The following GALNT13 variants were observed in gnomAD, a reference collection of about 807,000 sequenced individuals.
GALNT13 encodes the protein UDP-GalNAc:polypeptide N-acetylgalactosaminyltransferase 13.
A neutral mutation model predicts 64.2 loss-of-function variants in GALNT13; 28 were observed. The observed-to-expected ratio is 0.44, with a 90% CI of 0.32 to 0.60. GALNT13 has a LOEUF of 0.60. Among genes scored for constraint, GALNT13 ranks in the 20% least tolerant of loss-of-function variants. GALNT13 has a pLI of 0.05. For synonymous variants in GALNT13, 214 were observed against 224.6 expected (o/e 0.95, Z 0.42); for missense variants, 577 against 669.8 (o/e 0.86, Z 1.53).
chr2:154,255,829 G>A lies in GALNT13; in HGVS notation c.858-3192G>A, dbSNP rs556074862. Among the ~76,000 whole-genome samples the A allele has an allele frequency of 2.0e-5, 3 of 152,024 alleles. No homozygotes were observed. In the South Asian group the frequency reaches 6.2e-4, roughly 32 times the overall value. On this transcript the variant is annotated intron_variant, in intron 7 of 12. Transcript: ENST00000392825. ...CACGTTGAGAGGCCAAGGTGGGCAG[G>A]TCATTTGAGCCCAGGAGTTCAAGAT... is the stretch of plus-strand genomic sequence containing the variant.
the GALNT13 span, among the ~76,000 whole-genome samples, chr2:153,305,520 C>A: frequency 6.6e-6 from 1 of 152,114 alleles, no homozygotes; most frequent in Admixed American, 6.5e-5. Context: ...TAAGAAAGAT[C>A]AAATGAGATA....
chr2:154,182,219 G>T (rs1050487634), intron 4 of GALNT13, among the ~76,000 whole-genome samples: 12 of 152,102 alleles, frequency 7.9e-5, no homozygotes, highest in African/African-American at 2.9e-4. Context: ...CAAGCCCAGG[G>T]TGTCTGACTC....
At chr2:153,640,410 C>G in the GALNT13 span, among the ~76,000 whole-genome samples, 1 of 152,038 alleles carries the variant, frequency 6.6e-6, no homozygotes. Flanking sequence ...CTCAAATGAT[C>G]ACTACATTTG....
the GALNT13 span, among the ~76,000 whole-genome samples, chr2:153,455,421 C>T: frequency 1.3e-5 from 2 of 152,172 alleles, no homozygotes; most frequent in Non-Finnish European, 2.9e-5. Context: ...CTGAAGGGAG[C>T]ACATGAGCGA....
the GALNT13 span, among the ~76,000 whole-genome samples, chr2:153,126,346 A>ATATG: frequency 9.9e-6 from 1 of 100,762 alleles, no homozygotes; most frequent in Non-Finnish European, 2.0e-5. Context: ...ATATATATAT[A>ATATG]TGATATTAAG....
At chr2:154,232,826 A>G (rs1169878434) in intron 4 of GALNT13, among the ~76,000 whole-genome samples, 1 of 151,404 alleles carries the variant, frequency 6.6e-6, no homozygotes, top group African/African-American at 2.4e-5. Flanking sequence ...TGAGCTCAGG[A>G]GTTTGAGACA....
chr2:154,118,424 T>G (rs1212456475), intron 3 of GALNT13, among the ~76,000 whole-genome samples: 1 of 151,974 alleles, frequency 6.6e-6, no homozygotes, highest in African/African-American at 2.4e-5. Flanking sequence ...TATAGTGAAG[T>G]CAATCTCTTT....
chr2:154,313,983 A>C (rs763686629), intron 9 of GALNT13, among the ~76,000 whole-genome samples: 10 of 152,098 alleles, frequency 6.6e-5, no homozygotes, highest in Admixed American at 1.3e-4. Flanking sequence ...AAACCTGCTG[A>C]ATTAGTCAAG....
At chr2:153,184,494 C>A in the GALNT13 span, among the ~76,000 whole-genome samples, 1 of 152,168 alleles carries the variant, frequency 6.6e-6, no homozygotes, top group Non-Finnish European at 1.5e-5. Context: ...CTGGCCAGAA[C>A]ATCCAATATT....
chr2:154,352,580 C>A (rs1696473534), intron 9 of GALNT13, among the ~76,000 whole-genome samples: 1 of 152,146 alleles, frequency 6.6e-6, no homozygotes, highest in African/African-American at 2.4e-5. Context: ...TTCTCAAAGT[C>A]ACCCACAGAA....
intron 4 of GALNT13, among the ~76,000 whole-genome samples, chr2:154,167,100 C>G (rs1047088720): frequency 6.6e-6 from 1 of 151,250 alleles, no homozygotes; most frequent in East Asian, 1.9e-4. Flanking sequence ...AAGTTGTGCA[C>G]GTGTATTGTA....
At chr2:153,392,782 C>T in the GALNT13 span, among the ~76,000 whole-genome samples, 1 of 151,906 alleles carries the variant, frequency 6.6e-6, no homozygotes, top group Non-Finnish European at 1.5e-5. Flanking sequence ...ATTGATGTCC[C>T]CCCAAAGTTT....
At chr2:153,769,747 G>A in the GALNT13 span, among the ~76,000 whole-genome samples, 1 of 151,994 alleles carries the variant, frequency 6.6e-6, no homozygotes, top group Non-Finnish European at 1.5e-5. Context: ...ACTTTACACA[G>A]TACCATATTT....
At chr2:153,090,708 C>T in the GALNT13 span, among the ~76,000 whole-genome samples, 1 of 152,094 alleles carries the variant, frequency 6.6e-6, no homozygotes, top group Non-Finnish European at 1.5e-5. Context: ...TTGTGTTTGG[C>T]TCCCAGGGCA....
At chr2:153,980,817 T>A (rs1191657823) in intron 3 of GALNT13, among the ~76,000 whole-genome samples, 1 of 152,132 alleles carries the variant, frequency 6.6e-6, no homozygotes, top group African/African-American at 2.4e-5. Flanking sequence ...AATAATTTAG[T>A]CATGCAGTGG....
intron 3 of GALNT13, among the ~76,000 whole-genome samples, chr2:153,998,779 T>C (rs184443977): frequency 5.6e-4 from 85 of 152,262 alleles, no homozygotes; most frequent in Non-Finnish European, 9.7e-4. Flanking sequence ...TTAGGTCTTA[T>C]GTTTAAGTCT....
chr2:153,257,650 G>T, the GALNT13 span, among the ~76,000 whole-genome samples: 28 of 152,106 alleles, frequency 1.8e-4, no homozygotes, highest in African/African-American at 6.0e-4. Flanking sequence ...TGAGCTATTG[G>T]CAGCTTTTAA....
rs766676259 is a variant in GALNT13 at position 154,450,548 on chromosome 2, A to G, written c.1668A>G (p.Thr556=). The change falls in exon 13 of 13, where the codon ACA becomes ACG. Residue 556 remains threonine (T), a synonymous_variant. Transcript: ENST00000392825. ...TGCTAAGGAACATGACCTTGGGCAC[A>G]TGAAGATCATGTCCTCCAAGCCATG... The part of the protein sequence containing the change: ...QWLLRNMTLG[T] 2.5e-6 allele frequency: 4 copies of G among 1,597,910 alleles called. No homozygotes were observed. Among genetic ancestry groups the G allele is most frequent in the Non-Finnish European group, 2.6e-6 (3 of 1,174,566 alleles).
At chr2:153,895,901 A>G (rs1321826848) in intron 1 of GALNT13, among the ~76,000 whole-genome samples, 2 of 151,306 alleles carry the variant, frequency 1.3e-5, no homozygotes, top group Non-Finnish European at 2.9e-5. Flanking sequence ...TGCCATAGCA[A>G]CAGGATATTA....
Sources: allele counts gnomAD v4.1 joint callset (sites outside exome capture counted in the v4.1 genomes callset), GRCh38; gene constraint gnomAD v4.1.1; transcripts MANE v1.5; gene names NCBI Gene and HGNC (gene_info 2026-07-23, HGNC 2026-07-21).